QRFPR: variants seen among roughly 807,000 people sequenced by gnomAD.
QRFPR encodes the protein pyroglutamylated RFamide peptide receptor.
In QRFPR, 37 loss-of-function variants were observed where a neutral mutation model predicts 31.3. That is an observed-to-expected ratio of 1.18 (90% CI 0.91 to 1.56). The LOEUF is 1.56. Among genes scored for constraint, QRFPR ranks in the 40% most tolerant of loss-of-function variants. The probability of loss-of-function intolerance (pLI) is 0.00; values close to 1 mark genes in which losing one functional copy is unlikely to be tolerated. For synonymous variants in QRFPR, 197 were observed against 192.0 expected, an observed-to-expected ratio of 1.03 and a Z score of -0.22; for missense variants, 542 against 532.5, an observed-to-expected ratio of 1.02 and a Z score of -0.18.
chr4:121,378,900 C>G (rs919139110), intron 1 of QRFPR, among the ~76,000 whole-genome samples: 3 of 152,196 alleles, frequency 2.0e-5, no homozygotes, highest in African/African-American at 7.2e-5. Context: ...CTATAATCAT[C>G]CCCAGCACAA....
intron 1 of QRFPR, among the ~76,000 whole-genome samples, chr4:121,348,314 T>G (rs1205705033): frequency 1.3e-5 from 2 of 152,184 alleles, no homozygotes; most frequent in African/African-American, 4.8e-5. Context: ...TATGTGAAAA[T>G]GCATTAGCTA....
At chr4:121,355,514 T>G (rs1725850762) in intron 1 of QRFPR, among the ~76,000 whole-genome samples, 1 of 152,106 alleles carries the variant, frequency 6.6e-6, no homozygotes, top group South Asian at 2.1e-4. Flanking sequence ...AAACAACTTT[T>G]CCTTTCATTG....
intron 1 of QRFPR, among the ~76,000 whole-genome samples, chr4:121,364,994 G>GT (rs1486371224): frequency 2.7e-5 from 4 of 149,820 alleles, no homozygotes; most frequent in Admixed American, 6.6e-5. Flanking sequence ...CCATACAGCT[G>GT]TTTTTTGGGG....
At chr4:121,337,000 C>T (rs955185619) in intron 2 of QRFPR, 132 bp from the exon 3 acceptor site, 4 of 786,502 alleles carry the variant, frequency 5.1e-6, no homozygotes, top group South Asian at 1.5e-5. Flanking sequence ...ATGGTCTCCC[C>T]CAAGTTTCAT....
intron 1 of QRFPR, among the ~76,000 whole-genome samples, chr4:121,375,357 C>CATTACTTCTTTGA (rs1387554841): frequency 6.6e-6 from 1 of 152,174 alleles, no homozygotes. Context: ...CTGCATTCTC[C>CATTACTTCTTTGA]ATTACTTCTT....
chr4:121,359,871 T>C (rs1227963765), intron 1 of QRFPR, among the ~76,000 whole-genome samples: 1 of 151,930 alleles, frequency 6.6e-6, no homozygotes, highest in Non-Finnish European at 1.5e-5. Context: ...CCCTGACTAA[T>C]ACGGCTTATT....
At chr4:121,331,622 CATTATTATTATTATTATT>C (rs59488750) in intron 4 of QRFPR, among the ~76,000 whole-genome samples, 31 of 142,724 alleles carry the variant, frequency 2.2e-4, no homozygotes, top group Admixed American at 2.0e-3. Context: ...CTCATTATCT[CATTATTATTATTATTATT>C]ATTATTATTA....
At chr4:121,372,703 T>C (rs1321565297) in intron 1 of QRFPR, among the ~76,000 whole-genome samples, 1 of 152,212 alleles carries the variant, frequency 6.6e-6, no homozygotes, top group African/African-American at 2.4e-5. Context: ...CTGGCTTATT[T>C]AACTGAGCAT....
rs1560743737 is a variant in QRFPR at position 121,365,560 on chromosome 4, A to G, written c.340+14748T>C. On this transcript the variant is annotated intron_variant, in intron 1 of 5. Transcript: ENST00000394427. ...ATATATATTATATATAATATATAAT[A>G]TATATTATATATAATATATATTATA... Among the ~76,000 whole-genome samples, 3 of 6,084 alleles carry G rather than the reference A, an allele frequency of 4.9e-4. No individual in the cohort carries two copies. In the East Asian group the frequency reaches 0.026, roughly 53 times the overall value. The allele number at this position is 6,084 out of a possible 152,430, so 4.0% of individuals were successfully genotyped here. A position where few individuals can be genotyped will look rare whatever the true frequency, so the allele number is the denominator to read the frequency against.
intron 1 of QRFPR, among the ~76,000 whole-genome samples, chr4:121,365,941 T>G (rs775957428): frequency 6.8e-6 from 1 of 147,670 alleles, no homozygotes; most frequent in Non-Finnish European, 1.5e-5. Context: ...TTAGTAGACT[T>G]GCGGGCTGGG....
chr4:121,365,534 A>ATT (rs1491296453), intron 1 of QRFPR, among the ~76,000 whole-genome samples: 1 of 5,432 alleles, frequency 1.8e-4, no homozygotes, highest in Non-Finnish European at 2.8e-4. Context: ...TATTATATAT[A>ATT]ATATATATTA....
intron 1 of QRFPR, among the ~76,000 whole-genome samples, chr4:121,361,141 C>T (rs1227047251): frequency 7.5e-6 from 1 of 133,476 alleles, no homozygotes; most frequent in Non-Finnish European, 1.6e-5. Flanking sequence ...AAAAAGCACT[C>T]AATTTCCCTA....
intron 2 of QRFPR, among the ~76,000 whole-genome samples, chr4:121,339,899 G>C (rs1456930002): frequency 6.6e-6 from 1 of 151,954 alleles, no homozygotes; most frequent in African/African-American, 2.4e-5. Context: ...AGGCTGCAGT[G>C]AGTTGTGATC....
At chr4:121,369,975 C>T (rs114117550) in intron 1 of QRFPR, 11 of 765,408 alleles carry the variant, frequency 1.4e-5, no homozygotes, top group African/African-American at 3.4e-5. Context: ...TCAGCCCTGC[C>T]TGTTGCCCAA....
chr4:121,348,500 G>A (rs558738994), intron 1 of QRFPR, among the ~76,000 whole-genome samples: 1 of 152,036 alleles, frequency 6.6e-6, no homozygotes, highest in East Asian at 1.9e-4. Context: ...TTTAATGACT[G>A]CTCTATAGCT....
At chr4:121,379,900 A>T (rs574357380) in intron 1 of QRFPR, among the ~76,000 whole-genome samples, 1 of 152,140 alleles carries the variant, frequency 6.6e-6, no homozygotes, top group East Asian at 1.9e-4. Flanking sequence ...TCTCACTTTT[A>T]GTAAGAAAAC....
chr4:121,341,066 C>T (rs1448941713), intron 1 of QRFPR, among the ~76,000 whole-genome samples: 1 of 152,144 alleles, frequency 6.6e-6, no homozygotes, highest in African/African-American at 2.4e-5. Flanking sequence ...TCCTTTGACT[C>T]CCTGCCTAAG....
chr4:121,337,915 G>A (rs1280504093), intron 2 of QRFPR, among the ~76,000 whole-genome samples: 1 of 152,086 alleles, frequency 6.6e-6, no homozygotes, highest in East Asian at 1.9e-4. Context: ...CGGAACCAAG[G>A]GCCCCAACTT....
At chr4:121,342,825 C>T (rs745742581) in intron 1 of QRFPR, among the ~76,000 whole-genome samples, 1 of 152,062 alleles carries the variant, frequency 6.6e-6, no homozygotes, top group Non-Finnish European at 1.5e-5. Context: ...TAAAGGCATC[C>T]CATTCTATTT....
Sources: allele counts gnomAD v4.1 joint callset (sites outside exome capture counted in the v4.1 genomes callset), GRCh38; gene constraint gnomAD v4.1.1; transcripts MANE v1.5; gene names NCBI Gene and HGNC (gene_info 2026-07-23, HGNC 2026-07-21).